Variants in ANO3 observed in about 807,000 individuals in gnomAD.
ANO3 encodes anoctamin 3.
In ANO3, 99 loss-of-function variants were observed where a neutral mutation model predicts 144.8. The ratio of observed to expected loss-of-function variants is 0.68; its 90% confidence interval spans 0.58 to 0.81. The LOEUF is 0.81. Ranked by LOEUF, ANO3 falls within the 30% of genes least tolerant of loss-of-function variation. The pLI, the probability that ANO3 is intolerant of heterozygous loss-of-function variation, is 0.00. For synonymous variants in ANO3, 414 were observed against 392.6 expected, an observed-to-expected ratio of 1.05 and a Z score of -0.64; for missense variants, 905 against 1,202.2, an observed-to-expected ratio of 0.75 and a Z score of 3.66.
At chr11:26,293,412 T>C (rs1286788638) in intron 1 of ANO3, among the ~76,000 whole-genome samples, 1 of 150,918 alleles carries the variant, frequency 6.6e-6, no homozygotes, top group East Asian at 1.9e-4. Context: ...ACTTACTCAA[T>C]TGTTATTTCC....
chr11:26,522,035 TTAGCCGGGGG>T (rs1862099265), intron 6 of ANO3, among the ~76,000 whole-genome samples: 1 of 152,052 alleles, frequency 6.6e-6, no homozygotes, highest in African/African-American at 2.4e-5. Context: ...ATACAAAAAA[TTAGCCGGGGG>T]TAGTGGCGGG....
intron 1 of ANO3, among the ~76,000 whole-genome samples, chr11:26,408,954 A>T (rs1384758821): frequency 6.6e-6 from 1 of 151,376 alleles, no homozygotes; most frequent in Non-Finnish European, 1.5e-5. Flanking sequence ...GAAGGGGAAC[A>T]TCACACTCCG....
chr11:26,193,427 A>G lies in ANO3; in HGVS notation c.154+4097A>G, dbSNP rs371371530. On this transcript the variant is annotated intron_variant, in intron 1 of 27. Coordinates refer to the ANO3 transcript ENST00000672621. ...AGTGCTGGGATTACAGGCGTCAGCC[A>G]CCACACCTGGCCCAATTTTGCCTAT... Among the ~76,000 whole-genome samples the G allele has an allele frequency of 1.4e-3, 216 of 152,248 alleles. 3 individuals are homozygous for G. Among genetic ancestry groups the G allele is most frequent in the African/African-American group, 5.0e-3 (206 of 41,562 alleles).
intron 4 of ANO3, among the ~76,000 whole-genome samples, chr11:26,504,058 A>G (rs531490659): frequency 2.6e-5 from 4 of 152,278 alleles, no homozygotes; most frequent in African/African-American, 9.6e-5. Flanking sequence ...AAAACGTGGA[A>G]GAAAATTTGT....
At chr11:26,223,603 A>T (rs917561181) in intron 1 of ANO3, among the ~76,000 whole-genome samples, 58 of 105,486 alleles carry the variant, frequency 5.5e-4, no homozygotes, top group Admixed American at 3.9e-3. Context: ...GCTTTTTAAT[A>T]AAAAAAAAAA....
At chr11:26,419,685 A>G (rs1008916277) in intron 1 of ANO3, among the ~76,000 whole-genome samples, 8 of 152,222 alleles carry the variant, frequency 5.3e-5, no homozygotes, top group Admixed American at 5.2e-4. Flanking sequence ...CTAAGCTAAT[A>G]AATGAATGGA....
intron 1 of ANO3, among the ~76,000 whole-genome samples, chr11:26,272,063 G>T (rs1000452345): frequency 1.3e-5 from 2 of 152,082 alleles, no homozygotes; most frequent in African/African-American, 4.8e-5. Context: ...AAAATGCCAT[G>T]TGATGCTAAT....
At chr11:26,512,513 T>A (rs1478356610) in intron 5 of ANO3, among the ~76,000 whole-genome samples, 4 of 152,226 alleles carry the variant, frequency 2.6e-5, no homozygotes, top group African/African-American at 9.6e-5. Flanking sequence ...ACATTTCTTT[T>A]CTTCTGCTTT....
intron 1 of ANO3, among the ~76,000 whole-genome samples, chr11:26,215,781 G>T (rs1367465998): frequency 6.6e-6 from 1 of 151,868 alleles, no homozygotes; most frequent in Non-Finnish European, 1.5e-5. Flanking sequence ...AGTTAATACT[G>T]ATGTACCGGA....
intron 4 of ANO3, among the ~76,000 whole-genome samples, chr11:26,466,486 C>T (rs1482782337): frequency 6.6e-6 from 1 of 151,966 alleles, no homozygotes; most frequent in African/African-American, 2.4e-5. Flanking sequence ...ATTATGCCAG[C>T]ACTGAGCCTT....
intron 1 of ANO3, among the ~76,000 whole-genome samples, chr11:26,359,083 T>C (rs759680666): frequency 4.6e-5 from 7 of 152,204 alleles, no homozygotes; most frequent in Non-Finnish European, 1.0e-4. Flanking sequence ...AGATTTCAAA[T>C]TTTTCTGGTG....
Position 26,547,433 on chromosome 11 carries a change from A to G in ANO3, c.1172A>G (p.Lys391Arg). The G allele has an allele frequency of 6.2e-7, 1 of 1,611,798 alleles. No homozygotes were observed. Among genetic ancestry groups the G allele is most frequent in the Non-Finnish European group, 8.5e-7 (1 of 1,178,380 alleles). The change falls in exon 12 of 27, where the codon AAG becomes AGG. Residue 391 changes from lysine to arginine, a missense_variant. By Grantham distance (26) the Lys-to-Arg change is conservative (BLOSUM62 2). This residue lies in a region of ANO3 where 597 missense variants were observed against 865.1 expected (regional missense o/e 0.69). Coordinates refer to ENST00000256737, the MANE Select transcript of ANO3 (RefSeq NM_031418.4). Reference protein sequence around the residue: ...LDLIRLYFGEKIGLYFAWLGW... With the variant: ...LDLIRLYFGERIGLYFAWLGW... Reference sequence around the variant, plus strand: ...TCATGCAGGCTATACTTTGGTGAGAAGATTGGACTATACTTTGCTTGGCTG... The same window carrying G: ...TCATGCAGGCTATACTTTGGTGAGAGGATTGGACTATACTTTGCTTGGCTG...
intron 1 of ANO3, among the ~76,000 whole-genome samples, chr11:26,249,130 G>A (rs966372495): frequency 1.3e-5 from 2 of 152,082 alleles, no homozygotes; most frequent in East Asian, 3.9e-4. Flanking sequence ...TATTTGCATA[G>A]CTCTTCAAAA....
At chr11:26,507,668 T>G (rs530789405) in intron 4 of ANO3, among the ~76,000 whole-genome samples, 31 of 152,338 alleles carry the variant, frequency 2.0e-4, no homozygotes, top group African/African-American at 6.7e-4. Context: ...TTGAAATGCA[T>G]GTAATGAGTA....
At chr11:26,258,990 G>T (rs958363211) in intron 1 of ANO3, among the ~76,000 whole-genome samples, 4 of 152,132 alleles carry the variant, frequency 2.6e-5, no homozygotes, top group African/African-American at 9.7e-5. Context: ...TTTAGATTGG[G>T]TTAACTTCAC....
At chr11:26,569,981 G>A (rs553258564) in intron 14 of ANO3, among the ~76,000 whole-genome samples, 2 of 152,086 alleles carry the variant, frequency 1.3e-5, no homozygotes, top group South Asian at 4.1e-4. Flanking sequence ...GAGAAATTTT[G>A]AAGTTATAAA....
At chr11:26,443,199 AC>A in intron 2 of ANO3, among the ~76,000 whole-genome samples, 1 of 152,362 alleles carries the variant, frequency 6.6e-6, no homozygotes, top group Middle Eastern at 3.4e-3. Flanking sequence ...TGAAATCACT[AC>A]ATATTGTAGT....
intron 4 of ANO3, among the ~76,000 whole-genome samples, chr11:26,478,840 G>A (rs1565049618): frequency 1.3e-5 from 2 of 152,190 alleles, no homozygotes; most frequent in South Asian, 2.1e-4. Context: ...AAATGACTAC[G>A]TGTAGTCATC....
In ANO3 at chr11:26,634,044, T is replaced by C. The variant is rs7929519; in HGVS notation, c.1874-160T>C. 0.35 allele frequency among the ~76,000 whole-genome samples: 52,081 copies of C among 146,744 alleles called. 9,686 individuals are homozygous for C. The highest frequency in any genetic ancestry group is 0.48 in the South Asian group (2,237 of 4,652). ...AGTGAGCCAAGATTGTGCCACTGTA[T>C]TCCAGCCTGGGCAACAGAGAGTGAG... On this transcript the variant is annotated intron_variant, in intron 18 of 26. Coordinates refer to ENST00000256737, the MANE Select transcript of ANO3 (RefSeq NM_031418.4).
Sources: allele counts gnomAD v4.1 joint callset (sites outside exome capture counted in the v4.1 genomes callset), GRCh38; gene constraint gnomAD v4.1.1; regional missense constraint gnomAD v4.1.1; transcripts MANE v1.5; gene names NCBI Gene and HGNC (gene_info 2026-07-23, HGNC 2026-07-21).